The following DOCK3 variants were observed in gnomAD, a reference collection of about 807,000 sequenced individuals.
DOCK3 encodes the protein dedicator of cytokinesis protein 3.
Under a neutral mutation model 265.6 loss-of-function variants are expected in DOCK3, and 60 were observed. That is an observed-to-expected ratio of 0.23 (90% CI 0.18 to 0.28). DOCK3 has a LOEUF of 0.28. DOCK3 is among the 10% of genes least tolerant of loss of function. The pLI is 1.00. For missense variants in DOCK3, 1,981 were observed against 2,594.3 expected, an observed-to-expected ratio of 0.76 and a Z score of 5.14; for synonymous variants, 881 against 938.0, an observed-to-expected ratio of 0.94 and a Z score of 1.11.
chr3:50,738,366 G>T (rs2038782643), intron 1 of DOCK3, among the ~76,000 whole-genome samples: 1 of 152,166 alleles, frequency 6.6e-6, no homozygotes. Flanking sequence ...CATGGGGCAG[G>T]CTTGAGGCCT....
At position 50,970,943 on chromosome 3, in the gene DOCK3, ATATAATG is replaced by A. The variant is rs1559878812; in HGVS notation, c.315+36868_315+36874del. The stretch of plus-strand genomic sequence containing the variant: ...TATATATATATATATATATATATAT[ATATAATG>A]TGTGTGTGTGTGTGTGTATATATAT... On this transcript the variant is annotated intron_variant, in intron 5 of 52. Coordinates refer to ENST00000266037, the MANE Select transcript of DOCK3 (RefSeq NM_004947.5). Among the ~76,000 whole-genome samples, 26 of 70,934 alleles carry A rather than the reference ATATAATG, an allele frequency of 3.7e-4. 1 individual carries two copies. Among genetic ancestry groups the A allele is most frequent in the African/African-American group, 1.5e-3 (23 of 15,588 alleles). 46.5% of individuals were successfully genotyped at this position (70,934 alleles called of 152,430 possible). A position where few individuals can be genotyped will look rare whatever the true frequency, so the allele number is the denominator to read the frequency against.
intron 4 of DOCK3, among the ~76,000 whole-genome samples, chr3:50,905,960 T>G (rs997725482): frequency 3.3e-5 from 5 of 151,826 alleles, no homozygotes; most frequent in African/African-American, 1.2e-4. Context: ...TTATTGAGAG[T>G]TTTTAGCATG....
chr3:51,342,949 G>C (rs949779138), intron 38 of DOCK3, among the ~76,000 whole-genome samples: 3 of 152,160 alleles, frequency 2.0e-5, no homozygotes, highest in Admixed American at 6.5e-5. Flanking sequence ...CTCATCCTCA[G>C]AGGGGCAGTT....
intron 1 of DOCK3, among the ~76,000 whole-genome samples, chr3:50,745,690 T>C (rs1467508350): frequency 6.6e-6 from 1 of 152,208 alleles, no homozygotes; most frequent in African/African-American, 2.4e-5. Flanking sequence ...GAATATGAGC[T>C]ACTATCCCCG....
intron 27 of DOCK3, among the ~76,000 whole-genome samples, chr3:51,291,705 T>A (rs898308292): frequency 1.3e-5 from 2 of 152,150 alleles, no homozygotes; most frequent in Admixed American, 6.5e-5. Flanking sequence ...CCCAAACTTT[T>A]CTTAAAAATT....
intron 1 of DOCK3, among the ~76,000 whole-genome samples, chr3:50,740,007 C>G (rs890316465): frequency 1.3e-5 from 2 of 152,110 alleles, no homozygotes; most frequent in Non-Finnish European, 2.9e-5. Flanking sequence ...TCTTTCATCT[C>G]TATTTCTCCT....
At chr3:50,696,112 C>A (rs1331069355) in intron 1 of DOCK3, among the ~76,000 whole-genome samples, 1 of 152,178 alleles carries the variant, frequency 6.6e-6, no homozygotes, top group East Asian at 1.9e-4. Flanking sequence ...TTCTTTCTTG[C>A]AGTCATTAAC....
chr3:51,295,140 G>C (rs1206109603), intron 27 of DOCK3, among the ~76,000 whole-genome samples: 1 of 152,200 alleles, frequency 6.6e-6, no homozygotes, highest in Non-Finnish European at 1.5e-5. Flanking sequence ...TTCTATAAAG[G>C]AATACCTGAG....
intron 3 of DOCK3, among the ~76,000 whole-genome samples, chr3:50,886,209 T>TATATATATATATATA (rs10689032): frequency 4.9e-5 from 7 of 141,812 alleles, no homozygotes; most frequent in Admixed American, 7.2e-5. Flanking sequence ...TATATATATA[T>TATATATATATATATA]TCCAGAGTTT....
intron 22 of DOCK3, among the ~76,000 whole-genome samples, chr3:51,248,867 C>T (rs1412023952): frequency 2.2e-5 from 3 of 139,362 alleles, no homozygotes; most frequent in South Asian, 4.7e-4. Flanking sequence ...ATGTGAGGAG[C>T]GCCTCTGCCC....
chr3:50,995,948 G>A (rs184663752), intron 5 of DOCK3, among the ~76,000 whole-genome samples: 11 of 152,226 alleles, frequency 7.2e-5, no homozygotes, highest in Non-Finnish European at 1.6e-4. Context: ...CCAGGCTGGG[G>A]TGCAGTGGTG....
intron 3 of DOCK3, among the ~76,000 whole-genome samples, chr3:50,867,356 T>G (rs1251389633): frequency 6.6e-6 from 1 of 152,192 alleles, no homozygotes; most frequent in African/African-American, 2.4e-5. Flanking sequence ...AATATGGGAT[T>G]ATATCATCTG....
intron 2 of DOCK3, among the ~76,000 whole-genome samples, chr3:50,836,947 A>G (rs1385699861): frequency 6.6e-6 from 1 of 152,202 alleles, no homozygotes; most frequent in Non-Finnish European, 1.5e-5. Flanking sequence ...CTATAGCAAG[A>G]GTCACCTTTA....
chr3:50,758,737 C>G (rs2040348343), intron 1 of DOCK3, among the ~76,000 whole-genome samples: 1 of 152,156 alleles, frequency 6.6e-6, no homozygotes, highest in South Asian at 2.1e-4. Flanking sequence ...AATTTGAGCA[C>G]TCCGGGAACA....
At chr3:51,356,929 T>C in intron 43 of DOCK3, 33 bp from the exon 44 acceptor site, 1 of 1,586,140 alleles carries the variant, frequency 6.3e-7, no homozygotes, top group Non-Finnish European at 8.6e-7. Flanking sequence ...TATCATCATT[T>C]CTGGGATGAC....
intron 5 of DOCK3, among the ~76,000 whole-genome samples, chr3:50,999,663 A>T (rs2078404633): frequency 6.6e-6 from 1 of 152,168 alleles, no homozygotes; most frequent in South Asian, 2.1e-4. Context: ...TTTGGTGTTC[A>T]ATAGGAATCT....
At position 50,771,217 on chromosome 3, in the gene DOCK3, C is replaced by G. The variant is rs1451778046; in HGVS notation, c.38-7458C>G. 3.3e-5 allele frequency among the ~76,000 whole-genome samples: 5 copies of G among 152,030 alleles called. No individual in the cohort carries two copies. In the East Asian group the frequency reaches 9.6e-4, roughly 29 times the overall value. ...TACGCATCTGAGAAAGGATTAATGA[C>G]CAGAATATATAAGGAGCTCAAACAA... On this transcript the variant is annotated intron_variant, in intron 1 of 52. Coordinates refer to ENST00000266037, the MANE Select transcript of DOCK3 (RefSeq NM_004947.5).
rs2084646482 is a variant in DOCK3 at position 51,333,248 on chromosome 3, C to T, written c.3606C>T (p.Asp1202=). The T allele has an allele frequency of 1.2e-6, 2 of 1,612,524 alleles. No homozygotes were observed. Among genetic ancestry groups the T allele is most frequent in the East Asian group, 2.2e-5 (1 of 44,896 alleles). ...SVTRLMERLL[D]YRDCMKGEET... Reference sequence around the variant, plus strand: ...CCCGCCTCATGGAACGTCTTCTTGACTACAGGTATCTTCTCAGCCACCCGC... The same window carrying T: ...CCCGCCTCATGGAACGTCTTCTTGATTACAGGTATCTTCTCAGCCACCCGC... The change falls in exon 35 of 53, where the codon GAC becomes GAT. Residue 1202 remains aspartate, a synonymous_variant. Transcript: ENST00000266037.
intron 1 of DOCK3, among the ~76,000 whole-genome samples, chr3:50,679,880 G>T (rs960449000): frequency 2.6e-4 from 40 of 152,168 alleles, no homozygotes; most frequent in Admixed American, 7.2e-4. Flanking sequence ...TGTTTATGGG[G>T]AACTTCCTTA....
Sources: gnomAD v4.1 joint callset for allele counts (sites outside exome capture counted in the v4.1 genomes callset) on GRCh38, gnomAD v4.1.1 for gene constraint, MANE v1.5 for transcripts, NCBI Gene and HGNC (gene_info 2026-07-23, HGNC 2026-07-21) for gene names.